The following CALN1 variants were observed in gnomAD, a reference collection of about 807,000 sequenced individuals.
The protein encoded by CALN1 is calcium-binding protein 8.
CALN1 carries 17 observed loss-of-function variants against 30.6 expected under a neutral mutation model. That is an observed-to-expected ratio of 0.56 (90% CI 0.38 to 0.83). The LOEUF (loss-of-function observed/expected upper bound fraction) is 0.83. Among genes scored for constraint, CALN1 ranks in the 40% least tolerant of loss-of-function variants. The probability of loss-of-function intolerance (pLI) is 0.00; values close to 1 mark genes in which losing one functional copy is unlikely to be tolerated. For synonymous variants in CALN1, 156 were observed against 131.4 expected (o/e 1.19, Z -1.28); for missense variants, 291 against 354.9 (o/e 0.82, Z 1.45).
chr7:71,841,864 AG>A (rs1261146099), intron 5 of CALN1, among the ~76,000 whole-genome samples: 2 of 152,086 alleles, frequency 1.3e-5, no homozygotes, highest in Admixed American at 1.3e-4. Flanking sequence ...GGACAGAGGG[AG>A]GGGGACAAGG....
At chr7:71,927,554 T>C (rs1795332145) in intron 5 of CALN1, among the ~76,000 whole-genome samples, 1 of 152,188 alleles carries the variant, frequency 6.6e-6, no homozygotes, top group African/African-American at 2.4e-5. Context: ...GGGGTATGTG[T>C]TGCATGTAAG....
At chr7:71,889,966 G>GAAAA (rs66707559) in intron 5 of CALN1, among the ~76,000 whole-genome samples, 2 of 128,432 alleles carry the variant, frequency 1.6e-5, no homozygotes, top group Non-Finnish European at 3.4e-5. Context: ...CTCTGTCTCG[G>GAAAA]AAAAAAAAAA....
At chr7:72,098,886 T>G (rs761630734) in intron 4 of CALN1, among the ~76,000 whole-genome samples, 1 of 151,514 alleles carries the variant, frequency 6.6e-6, no homozygotes, top group Non-Finnish European at 1.5e-5. Flanking sequence ...TTCTGTCCCC[T>G]GGGAATGTCT....
intron 5 of CALN1, among the ~76,000 whole-genome samples, chr7:72,011,869 G>C (rs968179495): frequency 6.6e-6 from 1 of 151,880 alleles, no homozygotes; most frequent in Non-Finnish European, 1.5e-5. Context: ...CTTGAACTCT[G>C]AACTCAAACA....
intron 3 of CALN1, among the ~76,000 whole-genome samples, chr7:72,227,768 C>T (rs1224839371): frequency 6.6e-6 from 1 of 151,214 alleles, no homozygotes; most frequent in African/African-American, 2.4e-5. Context: ...GAGAATCACT[C>T]GAACCTGGGA....
intron 2 of CALN1, among the ~76,000 whole-genome samples, chr7:72,344,287 T>C (rs938907090): frequency 1.6e-4 from 25 of 152,142 alleles, no homozygotes; most frequent in Non-Finnish European, 2.9e-4. Flanking sequence ...CAAGAGGCAG[T>C]CATAAATTTT....
chr7:72,175,343 G>C (rs1160711625), intron 3 of CALN1, among the ~76,000 whole-genome samples: 1 of 152,162 alleles, frequency 6.6e-6, no homozygotes, highest in Non-Finnish European at 1.5e-5. Flanking sequence ...AAAGTGTTGG[G>C]ATTATGGGAG....
the CALN1 span, among the ~76,000 whole-genome samples, chr7:72,455,317 ATATATG>A: frequency 7.4e-6 from 1 of 135,072 alleles, no homozygotes; most frequent in African/African-American, 2.9e-5. Context: ...CAATATATAT[ATATATG>A]TGTGTGTGTG....
At chr7:71,855,973 T>C (rs984904329) in intron 5 of CALN1, among the ~76,000 whole-genome samples, 1 of 152,272 alleles carries the variant, frequency 6.6e-6, no homozygotes, top group East Asian at 1.9e-4. Flanking sequence ...TGCGTGCACA[T>C]TATATACACA....
chr7:72,311,587 C>G (rs1800052810), intron 2 of CALN1, among the ~76,000 whole-genome samples: 1 of 151,620 alleles, frequency 6.6e-6, no homozygotes, highest in Non-Finnish European at 1.5e-5. Context: ...TCGAGCAATC[C>G]TCCCACCTCA....
At chr7:71,951,660 C>G (rs1253360427) in intron 5 of CALN1, among the ~76,000 whole-genome samples, 1 of 152,150 alleles carries the variant, frequency 6.6e-6, no homozygotes, top group Non-Finnish European at 1.5e-5. Context: ...GTTTTTCCAG[C>G]TTCTGCAAGA....
chr7:71,979,206 A>ATTT (rs1798260523), intron 5 of CALN1, among the ~76,000 whole-genome samples: 1 of 152,042 alleles, frequency 6.6e-6, no homozygotes, highest in African/African-American at 2.4e-5. Flanking sequence ...ATGGAAGACA[A>ATTT]TTTTTCCTAG....
At chr7:72,147,883 G>T (rs538287302) in intron 3 of CALN1, among the ~76,000 whole-genome samples, 2 of 148,390 alleles carry the variant, frequency 1.3e-5, no homozygotes, top group African/African-American at 5.0e-5. Flanking sequence ...TCACTCACAG[G>T]TGGGAATTGA....
intron 2 of CALN1, among the ~76,000 whole-genome samples, chr7:72,357,308 G>A (rs1803291841): frequency 1.3e-5 from 2 of 151,924 alleles, no homozygotes; most frequent in South Asian, 4.1e-4. Context: ...CGATGTGGTT[G>A]GACTCGGAAT....
intron 5 of CALN1, among the ~76,000 whole-genome samples, chr7:71,828,757 GT>G (rs1789085582): frequency 6.6e-6 from 1 of 150,412 alleles, no homozygotes; most frequent in Non-Finnish European, 1.5e-5. Flanking sequence ...GGGGTTTTGT[GT>G]GTTTTTTTGA....
At chr7:72,423,842 A>C (rs1807700441) in intron 1 of CALN1, among the ~76,000 whole-genome samples, 1 of 151,408 alleles carries the variant, frequency 6.6e-6, no homozygotes, top group Non-Finnish European at 1.5e-5. Flanking sequence ...AGAGACAAAG[A>C]AATAAAGAAA....
At chr7:71,862,601 CTTTAT>C (rs1358522239) in intron 5 of CALN1, among the ~76,000 whole-genome samples, 1 of 152,102 alleles carries the variant, frequency 6.6e-6, no homozygotes, top group African/African-American at 2.4e-5. Context: ...TCGGGTATGT[CTTTAT>C]TAGCAGCATG....
At chr7:71,922,917 C>T (rs1795048307) in intron 5 of CALN1, among the ~76,000 whole-genome samples, 1 of 144,382 alleles carries the variant, frequency 6.9e-6, no homozygotes, top group Non-Finnish European at 1.5e-5. Flanking sequence ...TGTATATAAG[C>T]ATATACAATG....
At chr7:71,892,955 A>T (rs567102723) in intron 5 of CALN1, among the ~76,000 whole-genome samples, 1 of 152,082 alleles carries the variant, frequency 6.6e-6, no homozygotes, top group Non-Finnish European at 1.5e-5. Context: ...TAAAATGATC[A>T]TTGAGGTGTG....
Sources: allele counts gnomAD v4.1 joint callset (sites outside exome capture counted in the v4.1 genomes callset), GRCh38; gene constraint gnomAD v4.1.1; transcripts MANE v1.5; gene names NCBI Gene and HGNC (gene_info 2026-07-23, HGNC 2026-07-21).